The following TENM4 variants were observed in gnomAD, a reference collection of about 807,000 sequenced individuals.
TENM4 encodes teneurin-4.
TENM4 carries 82 observed loss-of-function variants against 243.3 expected under a neutral mutation model. The ratio of observed to expected loss-of-function variants is 0.34; its 90% confidence interval spans 0.28 to 0.40. The LOEUF (loss-of-function observed/expected upper bound fraction) is 0.40. Ranked by LOEUF, TENM4 falls within the 10% of genes least tolerant of loss-of-function variation. The probability of loss-of-function intolerance (pLI) is 1.00; values close to 1 mark genes in which losing one functional copy is unlikely to be tolerated. For synonymous variants in TENM4, 1,412 were observed against 1,456.3 expected (o/e 0.97, Z 0.69); for missense variants, 3,138 against 3,673.3 (o/e 0.85, Z 3.77).
chr11:79,088,853 T>G (rs1378300974), intron 4 of TENM4, among the ~76,000 whole-genome samples: 1 of 152,230 alleles, frequency 6.6e-6, no homozygotes, highest in East Asian at 1.9e-4. Flanking sequence ...GGTTTGGTTC[T>G]TGTCCTAGAA....
intron 3 of TENM4, among the ~76,000 whole-genome samples, chr11:79,166,883 A>G (rs1192550465): frequency 1.3e-5 from 2 of 152,232 alleles, no homozygotes; most frequent in African/African-American, 2.4e-5. Context: ...ACAATGGTTG[A>G]GAGGCACAAA....
At position 78,726,134 on chromosome 11, in the gene TENM4, C is replaced by T. The variant is rs369844183; in HGVS notation, c.3495G>A (p.Ala1165=). The change falls in exon 23 of 34, where the codon GCG becomes GCA. Residue 1165 remains alanine, a synonymous_variant. Transcript: ENST00000278550. ...CTAGGCTCCATCCTCCAAGCTTGGA[C>T]GCGTCAATTTCATAGCCCTGCAGCA... is the stretch of plus-strand genomic sequence containing the variant. ...TTVLQGYEID[A]SKLGGWSLDK... The T allele has an allele frequency of 1.4e-4, 228 of 1,613,882 alleles. No homozygotes were observed. Among genetic ancestry groups the T allele is most frequent in the Non-Finnish European group, 1.7e-4 (203 of 1,179,888 alleles).
intron 1 of TENM4, among the ~76,000 whole-genome samples, chr11:79,359,943 G>A (rs1288540132): frequency 6.6e-6 from 1 of 152,030 alleles, no homozygotes; most frequent in Non-Finnish European, 1.5e-5. Flanking sequence ...CACCATGTGG[G>A]GAAAGCAGGA....
intron 25 of TENM4, among the ~76,000 whole-genome samples, chr11:78,715,115 ACTTCT>A (rs1234619549): frequency 3.3e-5 from 5 of 152,244 alleles, no homozygotes; most frequent in South Asian, 2.1e-4. Context: ...CTCTTCTTTT[ACTTCT>A]CTTCTGGGGT....
chr11:79,122,512 C>T (rs754899140), intron 4 of TENM4, among the ~76,000 whole-genome samples: 2 of 152,114 alleles, frequency 1.3e-5, no homozygotes, highest in Non-Finnish European at 2.9e-5. Flanking sequence ...TTAGCAATGG[C>T]GGTACAGAGA....
At chr11:79,340,573 G>A (rs932223905) in intron 1 of TENM4, among the ~76,000 whole-genome samples, 6 of 152,054 alleles carry the variant, frequency 3.9e-5, no homozygotes, top group Non-Finnish European at 7.4e-5. Context: ...TTTGCTTCTA[G>A]AGTCACAGCA....
intron 2 of TENM4, among the ~76,000 whole-genome samples, chr11:79,228,196 G>A (rs946971510): frequency 1.3e-5 from 2 of 152,188 alleles, no homozygotes; most frequent in East Asian, 3.9e-4. Context: ...GCTCTCCATG[G>A]AGCAGGCCCC....
intron 1 of TENM4, among the ~76,000 whole-genome samples, chr11:79,393,923 C>T (rs1310502378): frequency 1.3e-5 from 2 of 152,072 alleles, no homozygotes; most frequent in Non-Finnish European, 2.9e-5. Flanking sequence ...AGAGTAAGAA[C>T]AGGCCTGGAG....
chr11:78,759,758 C>A (rs1051690898), intron 18 of TENM4, among the ~76,000 whole-genome samples: 1 of 152,160 alleles, frequency 6.6e-6, no homozygotes, highest in African/African-American at 2.4e-5. Flanking sequence ...TCATTGAATC[C>A]TCTATGAAGT....
chr11:78,662,197 T>TC (rs937719782), intron 32 of TENM4, among the ~76,000 whole-genome samples: 1 of 150,480 alleles, frequency 6.6e-6, no homozygotes, highest in African/African-American at 2.4e-5. Flanking sequence ...TTTCTTTCTT[T>TC]TTTTTTTTTT....
At chr11:79,321,514 G>C (rs1011773662) in intron 1 of TENM4, among the ~76,000 whole-genome samples, 4 of 152,030 alleles carry the variant, frequency 2.6e-5, no homozygotes, top group Non-Finnish European at 5.9e-5. Flanking sequence ...AAGGGGGAGG[G>C]GGCTAACTAC....
At chr11:78,731,337 A>G (rs1855662901) in intron 21 of TENM4, among the ~76,000 whole-genome samples, 1 of 152,306 alleles carries the variant, frequency 6.6e-6, no homozygotes, top group Admixed American at 6.5e-5. Flanking sequence ...GGAGGTTTCA[A>G]CCTGTGAGTG....
chr11:79,193,690 G>A (rs73508630), intron 3 of TENM4, among the ~76,000 whole-genome samples: 1,824 of 152,230 alleles, frequency 0.012, 40 homozygotes, highest in African/African-American at 0.041. Context: ...CCAGGGACAC[G>A]GTGGCCTCAC....
intron 1 of TENM4, among the ~76,000 whole-genome samples, chr11:79,389,712 C>G (rs534121036): frequency 1.3e-5 from 2 of 152,156 alleles, no homozygotes; most frequent in East Asian, 3.8e-4. Context: ...ATTTGAACTC[C>G]AATTAGGCAA....
intron 1 of TENM4, among the ~76,000 whole-genome samples, chr11:79,318,011 C>T (rs1162277359): frequency 6.6e-6 from 1 of 152,060 alleles, no homozygotes; most frequent in Admixed American, 6.6e-5. Context: ...TAAGAAACAG[C>T]CTATACTCAA....
intron 19 of TENM4, among the ~76,000 whole-genome samples, chr11:78,753,336 C>T (rs1856233014): frequency 6.6e-6 from 1 of 152,198 alleles, no homozygotes; most frequent in African/African-American, 2.4e-5. Context: ...TAAATCATTT[C>T]CCTGAGGTCA....
intron 12 of TENM4, among the ~76,000 whole-genome samples, chr11:78,852,556 G>A (rs1374343269): frequency 1.3e-5 from 2 of 152,118 alleles, no homozygotes; most frequent in Non-Finnish European, 2.9e-5. Flanking sequence ...GGTGGTGTGT[G>A]CCTGTGGTCC....
intron 19 of TENM4, among the ~76,000 whole-genome samples, chr11:78,749,878 C>T (rs1856142965): frequency 6.6e-6 from 1 of 152,020 alleles, no homozygotes; most frequent in Admixed American, 6.6e-5. Context: ...CAGTTCCTGC[C>T]CCTAACCCAC....
chr11:78,858,278 A>T (rs541787825), intron 10 of TENM4, among the ~76,000 whole-genome samples: 57 of 152,226 alleles, frequency 3.7e-4, no homozygotes, highest in African/African-American at 1.3e-3. Context: ...ACCCCAGAGG[A>T]GGTGACAAAA....
Sources: gnomAD v4.1 joint callset for allele counts (sites outside exome capture counted in the v4.1 genomes callset) on GRCh38, gnomAD v4.1.1 for gene constraint, MANE v1.5 for transcripts, NCBI Gene and HGNC (gene_info 2026-07-23, HGNC 2026-07-21) for gene names.